Variants in MYT1L observed in about 807,000 individuals in gnomAD.
The protein encoded by MYT1L is myelin transcription factor 1 like, also known as myelin transcription factor 1-like protein.
Under a neutral mutation model 126.7 loss-of-function variants are expected in MYT1L, and 12 were observed. The ratio of observed to expected loss-of-function variants is 0.09; its 90% CI spans 0.06 to 0.15. The LOEUF (loss-of-function observed/expected upper bound fraction) is 0.15. Among genes scored for constraint, MYT1L ranks in the 10% least tolerant of loss-of-function variants. The pLI is 1.00. For missense variants in MYT1L, 979 were observed against 1,585.2 expected, an observed-to-expected ratio of 0.62 and a Z score of 6.49; for synonymous variants, 541 against 604.2, an observed-to-expected ratio of 0.90 and a Z score of 1.53.
intron 2 of MYT1L, among the ~76,000 whole-genome samples, chr2:2,263,712 T>G (rs1413079850): frequency 6.6e-6 from 1 of 152,128 alleles, no homozygotes; most frequent in Non-Finnish European, 1.5e-5. Context: ...CTTTGGCCTC[T>G]TGTTCACGAC....
chr2:2,015,970 G>A (rs1288655215), intron 4 of MYT1L, among the ~76,000 whole-genome samples: 3 of 152,188 alleles, frequency 2.0e-5, no homozygotes, highest in Non-Finnish European at 2.9e-5. Flanking sequence ...ACAAAGGAAA[G>A]CTTCACAAAA....
intron 2 of MYT1L, among the ~76,000 whole-genome samples, chr2:2,202,370 A>G (rs1256872734): frequency 1.3e-5 from 2 of 152,122 alleles, no homozygotes; most frequent in African/African-American, 2.4e-5. Context: ...TTGATAGACC[A>G]CTAGCAAGAC....
chr2:2,120,839 C>T (rs1293857360), intron 3 of MYT1L, among the ~76,000 whole-genome samples: 1 of 150,978 alleles, frequency 6.6e-6, no homozygotes, highest in African/African-American at 2.4e-5. Context: ...CAATACCTCG[C>T]TCATAGCGAC....
intron 3 of MYT1L, among the ~76,000 whole-genome samples, chr2:2,061,532 A>T (rs2070492351): frequency 1.3e-5 from 2 of 152,198 alleles, no homozygotes; most frequent in African/African-American, 4.8e-5. Context: ...GGGAAGGAGC[A>T]TTTTGTCAGT....
chr2:2,243,813 T>C (rs1203668249), intron 2 of MYT1L, among the ~76,000 whole-genome samples: 1 of 152,214 alleles, frequency 6.6e-6, no homozygotes, highest in African/African-American at 2.4e-5. Flanking sequence ...GATTGTTAGA[T>C]GACACATTTC....
At chr2:2,294,825 G>A (rs1232251813) in intron 1 of MYT1L, among the ~76,000 whole-genome samples, 3 of 152,222 alleles carry the variant, frequency 2.0e-5, no homozygotes, top group Admixed American at 6.5e-5. Context: ...GACTTGGGCA[G>A]GGTATTGTAG....
intron 2 of MYT1L, among the ~76,000 whole-genome samples, chr2:2,281,422 C>A (rs1441799828): frequency 1.3e-5 from 2 of 152,088 alleles, no homozygotes; most frequent in African/African-American, 4.8e-5. Context: ...CTTTTGTTTT[C>A]TTTTTAATAT....
At chr2:2,189,556 TTA>T (rs1332132106) in intron 2 of MYT1L, among the ~76,000 whole-genome samples, 8 of 152,026 alleles carry the variant, frequency 5.3e-5, no homozygotes, top group Non-Finnish European at 1.5e-5. Flanking sequence ...ATATAATCAC[TTA>T]TATTAACAGG....
chr2:1,982,358 C>A (rs955081856), intron 5 of MYT1L, among the ~76,000 whole-genome samples: 41 of 152,176 alleles, frequency 2.7e-4, no homozygotes, highest in Non-Finnish European at 5.6e-4. Flanking sequence ...AAATCGTATT[C>A]TTTAAGGAAT....
At chr2:2,306,861 G>T (rs563561771) in intron 1 of MYT1L, among the ~76,000 whole-genome samples, 75 of 152,134 alleles carry the variant, frequency 4.9e-4, no homozygotes, top group Non-Finnish European at 8.4e-4. Flanking sequence ...CATAGGGTAG[G>T]TTACACCATT....
chr2:2,019,847 A>G (rs987298707), intron 4 of MYT1L, among the ~76,000 whole-genome samples: 3 of 151,396 alleles, frequency 2.0e-5, no homozygotes, highest in African/African-American at 7.3e-5. Context: ...ATGCCAGTGT[A>G]ATTATTTTAT....
At chr2:1,878,912 G>A (rs2047228756) in intron 18 of MYT1L, among the ~76,000 whole-genome samples, 1 of 151,870 alleles carries the variant, frequency 6.6e-6, no homozygotes, top group Non-Finnish European at 1.5e-5. Flanking sequence ...TAGAACCTAG[G>A]GACTTTTAAA....
chr2:2,129,578 C>CAGCCACA (rs1446481770), intron 3 of MYT1L, among the ~76,000 whole-genome samples: 3 of 152,140 alleles, frequency 2.0e-5, no homozygotes, highest in Admixed American at 2.0e-4. Context: ...CAAGTGACCG[C>CAGCCACA]AGCCACAAAC....
chr2:2,125,391 A>G (rs2081556215), intron 3 of MYT1L, among the ~76,000 whole-genome samples: 1 of 152,208 alleles, frequency 6.6e-6, no homozygotes, highest in Non-Finnish European at 1.5e-5. Context: ...ATTTCTGGAG[A>G]TTATTTCTAG....
chr2:2,016,815 C>T (rs966884830), intron 4 of MYT1L, among the ~76,000 whole-genome samples: 3 of 152,236 alleles, frequency 2.0e-5, no homozygotes, highest in Non-Finnish European at 4.4e-5. Flanking sequence ...CCAGTACATG[C>T]ATCTAAGTGT....
chr2:1,797,908 G>A (rs1187471612), intron 23 of MYT1L, among the ~76,000 whole-genome samples: 3 of 98,520 alleles, frequency 3.0e-5, no homozygotes, highest in Admixed American at 1.1e-4. Flanking sequence ...CCCTTCTCCG[G>A]CACAGGCGCG....
chr2:2,052,469 T>C (rs2068944403), intron 4 of MYT1L, among the ~76,000 whole-genome samples: 1 of 152,218 alleles, frequency 6.6e-6, no homozygotes, highest in Admixed American at 6.5e-5. Flanking sequence ...AATGTTTGTG[T>C]GTCAAGGGAC....
intron 21 of MYT1L, among the ~76,000 whole-genome samples, chr2:1,836,820 C>T (rs1244850406): frequency 6.6e-6 from 1 of 152,214 alleles, no homozygotes; most frequent in East Asian, 1.9e-4. Flanking sequence ...AATATTCCAT[C>T]AGCCTGTGCC....
Position 2,270,888 on chromosome 2 carries a change from C to A in MYT1L, c.-421+13516G>T, listed in dbSNP as rs199972669. Among the ~76,000 whole-genome samples, 7 of 151,866 alleles carry A rather than the reference C, an allele frequency of 4.6e-5. No homozygotes were observed. In the South Asian group the frequency reaches 6.2e-4, roughly 14 times the overall value. On this transcript the variant is annotated intron_variant, in intron 2 of 24. Coordinates refer to ENST00000647738, the MANE Select transcript of MYT1L (RefSeq NM_001303052.2). ...CATCATGACCTTCCTCTTTAAAAAT[C>A]GGCTGACGCTGACTCTTGTTTCATT...
Sources: gnomAD v4.1 joint callset for allele counts (sites outside exome capture counted in the v4.1 genomes callset) on GRCh38, gnomAD v4.1.1 for gene constraint, MANE v1.5 for transcripts, NCBI Gene and HGNC (gene_info 2026-07-23, HGNC 2026-07-21) for gene names.